ZNF423: variants seen among roughly 807,000 people sequenced by gnomAD.
The protein encoded by ZNF423 is zinc finger protein 423.
Under a neutral mutation model 95.8 loss-of-function variants are expected in ZNF423, and 12 were observed. That is an observed-to-expected ratio of 0.13 (90% CI 0.08 to 0.20). The LOEUF is 0.20. Among genes scored for constraint, ZNF423 ranks in the 10% least tolerant of loss-of-function variants. ZNF423 has a pLI of 1.00. For missense variants in ZNF423, 1,316 were observed against 1,737.1 expected (o/e 0.76, Z 4.31); for synonymous variants, 749 against 711.9 (o/e 1.05, Z -0.83).
chr16:49,853,667 A>C (rs1001514302), intron 1 of ZNF423: 1 of 985,216 alleles, frequency 1.0e-6, no homozygotes, highest in African/African-American at 1.7e-5. Flanking sequence ...CATTTGAGAG[A>C]GGCACTCACT....
At chr16:49,684,204 A>C (rs2031477665) in intron 3 of ZNF423, among the ~76,000 whole-genome samples, 1 of 152,248 alleles carries the variant, frequency 6.6e-6, no homozygotes, top group African/African-American at 2.4e-5. Context: ...GTAAATTCTC[A>C]TGTGTGCAGA....
intron 3 of ZNF423, among the ~76,000 whole-genome samples, chr16:49,726,399 C>T (rs561814833): frequency 1.4e-3 from 214 of 152,290 alleles, no homozygotes; most frequent in Non-Finnish European, 2.5e-3. Context: ...CCAAACCTCT[C>T]GCACCTGCTT....
rs570537969 is a variant in ZNF423 at position 49,537,948 on chromosome 16, G to A, written c.3602-12454C>T. Among the ~76,000 whole-genome samples, 51 of 152,286 alleles carry A rather than the reference G, an allele frequency of 3.3e-4. 1 individual carries two copies. Among genetic ancestry groups the A allele is most frequent in the African/African-American group, 8.7e-4 (36 of 41,556 alleles). On this transcript the variant is annotated intron_variant, in intron 5 of 7. Transcript: ENST00000563137. ...GATGGGGGGTCTGCCACCTCTGGGC[G>A]GCTTAGACCCCATTGCCAGCTCCCA...
chr16:49,644,175 C>A (rs1321140323), intron 3 of ZNF423, among the ~76,000 whole-genome samples: 1 of 152,122 alleles, frequency 6.6e-6, no homozygotes. Context: ...CGAAAGGGAA[C>A]CTTCCTGCAG....
intron 2 of ZNF423, among the ~76,000 whole-genome samples, chr16:49,785,665 C>T (rs1433070113): frequency 6.6e-6 from 1 of 152,196 alleles, no homozygotes; most frequent in East Asian, 1.9e-4. Flanking sequence ...ATTCATGGCC[C>T]AGCCAGCAGG....
At chr16:49,657,948 C>A (rs1420235) in intron 3 of ZNF423, among the ~76,000 whole-genome samples, 1 of 152,150 alleles carries the variant, frequency 6.6e-6, no homozygotes, top group Admixed American at 6.5e-5. Context: ...GAGAGGCCAC[C>A]GTCAGGGTCT....
intron 1 of ZNF423, among the ~76,000 whole-genome samples, chr16:49,815,631 C>T (rs2034824584): frequency 6.6e-6 from 1 of 151,812 alleles, no homozygotes; most frequent in Admixed American, 6.6e-5. Flanking sequence ...GTACTGGCAA[C>T]CTTGAGGCCT....
At chr16:49,621,154 G>C (rs1972065226) in intron 5 of ZNF423, among the ~76,000 whole-genome samples, 1 of 152,172 alleles carries the variant, frequency 6.6e-6, no homozygotes, top group South Asian at 2.1e-4. Flanking sequence ...AGGGCGACTG[G>C]GCAGAGCTGG....
intron 7 of ZNF423, among the ~76,000 whole-genome samples, chr16:49,513,141 G>T (rs1391563982): frequency 6.6e-6 from 1 of 152,074 alleles, no homozygotes; most frequent in African/African-American, 2.4e-5. Context: ...AGACTTCGGG[G>T]GGTCAGCAGC....
chr16:49,797,645 T>C (rs1020590532), intron 1 of ZNF423, among the ~76,000 whole-genome samples: 3 of 152,220 alleles, frequency 2.0e-5, no homozygotes, highest in African/African-American at 7.2e-5. Flanking sequence ...ACAGGCCCCT[T>C]GGCACCAAGC....
chr16:49,571,944 T>C lies in ZNF423; in HGVS notation c.3602-46450A>G, dbSNP rs188060789. Among the ~76,000 whole-genome samples, 591 of 152,346 alleles carry C rather than the reference T, an allele frequency of 3.9e-3. 2 individuals carry two copies. Among genetic ancestry groups the C allele is most frequent in the Middle Eastern group, 0.017 (5 of 294 alleles). The stretch of plus-strand genomic sequence containing the variant: ...CAAACATTAAAGGAGAAGGTAAATA[T>C]TTTCATTCATTCTTCCATCCAAAAA... On this transcript the variant is annotated intron_variant, in intron 5 of 7. Transcript: ENST00000563137.
chr16:49,580,993 T>C (rs1156443366), intron 5 of ZNF423, among the ~76,000 whole-genome samples: 3 of 152,150 alleles, frequency 2.0e-5, no homozygotes, highest in Non-Finnish European at 2.9e-5. Flanking sequence ...TGAGTAGATG[T>C]ACGCTCCAGC....
intron 2 of ZNF423, among the ~76,000 whole-genome samples, chr16:49,782,631 ATG>A (rs776172313): frequency 1.3e-5 from 2 of 152,226 alleles, no homozygotes; most frequent in Non-Finnish European, 2.9e-5. Flanking sequence ...CACAAGAAGT[ATG>A]TGTCAGCAAA....
chr16:49,548,612 G>A (rs568128397), intron 5 of ZNF423, among the ~76,000 whole-genome samples: 3 of 152,154 alleles, frequency 2.0e-5, no homozygotes, highest in Non-Finnish European at 4.4e-5. Flanking sequence ...TCTGCACCTC[G>A]GGAGAAAGAG....
intron 3 of ZNF423, among the ~76,000 whole-genome samples, chr16:49,670,554 G>C (rs2030759112): frequency 6.6e-6 from 1 of 152,118 alleles, no homozygotes. Context: ...CCAACCTAGT[G>C]CCAAGGAATA....
At position 49,697,823 on chromosome 16, in the gene ZNF423, G is replaced by A. The variant is rs1036474380; in HGVS notation, c.301+32948C>T. 7.9e-5 allele frequency among the ~76,000 whole-genome samples: 12 copies of A among 152,412 alleles called. 1 individual carries two copies. Among genetic ancestry groups the A allele is most frequent in the Admixed American group, 7.8e-4 (12 of 15,314 alleles). ...GAAAGCCTTACCTACGGTGCGGGCAGGCGGCATGAGCCCGCGGTGATGCGA... is the reference window on the plus strand; with the variant it reads ...GAAAGCCTTACCTACGGTGCGGGCAAGCGGCATGAGCCCGCGGTGATGCGA... On this transcript the variant is annotated intron_variant, in intron 3 of 7. Coordinates refer to ENST00000563137, the MANE Select transcript of ZNF423 (RefSeq NM_001379286.1).
At chr16:49,847,678 C>G (rs1346634885) in intron 1 of ZNF423, 1 of 144,058 alleles carries the variant, frequency 6.9e-6, no homozygotes, top group Non-Finnish European at 1.5e-5. Flanking sequence ...TCATTCTTAC[C>G]CTGGAAATGG....
intron 7 of ZNF423, among the ~76,000 whole-genome samples, chr16:49,502,297 T>C (rs1967439634): frequency 6.6e-6 from 1 of 152,156 alleles, no homozygotes; most frequent in South Asian, 2.1e-4. Flanking sequence ...GGTTAAGTTC[T>C]GACAAAGAGG....
chr16:49,659,100 T>A (rs1347610736), intron 3 of ZNF423, among the ~76,000 whole-genome samples: 1 of 152,248 alleles, frequency 6.6e-6, no homozygotes, highest in East Asian at 1.9e-4. Context: ...TTTGGGTTTT[T>A]AAATTTGAAA....
Sources: gnomAD v4.1 joint callset for allele counts (sites outside exome capture counted in the v4.1 genomes callset) on GRCh38, gnomAD v4.1.1 for gene constraint, MANE v1.5 for transcripts, NCBI Gene and HGNC (gene_info 2026-07-23, HGNC 2026-07-21) for gene names.